The following BACH2 variants were observed in gnomAD, a reference collection of about 807,000 sequenced individuals.
BACH2 encodes BACH transcriptional regulator 2.
BACH2 carries 5 observed loss-of-function variants against 61.8 expected under a neutral mutation model. The observed-to-expected ratio is 0.08, with a 90% CI of 0.04 to 0.17. BACH2 has a LOEUF of 0.17. Among genes scored for constraint, BACH2 ranks in the 10% least tolerant of loss-of-function variants. BACH2 has a pLI of 1.00. For missense variants in BACH2, 824 were observed against 1,091.1 expected, an observed-to-expected ratio of 0.76 and a Z score of 3.45; for synonymous variants, 446 against 440.1, an observed-to-expected ratio of 1.01 and a Z score of -0.17.
At chr6:90,109,859 C>A (rs942999532) in intron 4 of BACH2, among the ~76,000 whole-genome samples, 23 of 152,068 alleles carry the variant, frequency 1.5e-4, no homozygotes, top group Admixed American at 9.2e-4. Flanking sequence ...TTAATAAAAT[C>A]TCCAAAGAGT....
At chr6:90,264,737 C>G (rs902748445) in intron 2 of BACH2, among the ~76,000 whole-genome samples, 4 of 152,174 alleles carry the variant, frequency 2.6e-5, no homozygotes, top group African/African-American at 9.7e-5. Context: ...CTCCAGAAAG[C>G]TGTCCCTTTG....
At chr6:89,981,123 T>C (rs1036843041) in intron 6 of BACH2, among the ~76,000 whole-genome samples, 3 of 150,698 alleles carry the variant, frequency 2.0e-5, no homozygotes, top group Non-Finnish European at 4.4e-5. Context: ...ATAGGGTTCA[T>C]CGTGATTCGC....
intron 4 of BACH2, among the ~76,000 whole-genome samples, chr6:90,129,077 G>T (rs1487018613): frequency 2.0e-5 from 3 of 152,028 alleles, no homozygotes; most frequent in Admixed American, 6.5e-5. Context: ...TGGGGATGGG[G>T]GAAGGGTGAA....
rs1783251512 is a variant in BACH2 at position 90,113,199 on chromosome 6, G to A, written c.-161-24090C>T. 1.3e-5 allele frequency among the ~76,000 whole-genome samples: 2 copies of A among 152,144 alleles called. 1 individual carries two copies. Among genetic ancestry groups the A allele is most frequent in the African/African-American group, 4.8e-5 (2 of 41,426 alleles). ...CTGACAGTATTAGACAGATCATTGA[G>A]GTGAAAAATTAACAAAGATATTCAG... On this transcript the variant is annotated intron_variant, in intron 4 of 8. Coordinates refer to ENST00000257749, the MANE Select transcript of BACH2 (RefSeq NM_021813.4).
At position 89,932,667 on chromosome 6, in the gene BACH2, G is replaced by T. The variant is rs761363627; in HGVS notation, c.2267C>A (p.Ala756Glu). The T allele has an allele frequency of 3.1e-6, 5 of 1,614,104 alleles. No homozygotes were observed. In the South Asian group the frequency reaches 4.4e-5, roughly 14 times the overall value. ...PAPLGAEQNI[A>E]ASQCAVGENV... ...TTCCCCCACTGCGCATTGGGAGGCC[G>T]CAATGTTCTGCTCAGCACCCAAGGG... is the stretch of plus-strand genomic sequence containing the variant. Residue 756 changes from alanine to glutamate, a missense_variant, in exon 9 of 9, where the codon GCG becomes GAG. Physicochemically the swap from Ala to Glu is moderately radical, Grantham distance 107. Coordinates refer to ENST00000257749, the MANE Select transcript of BACH2 (RefSeq NM_021813.4).
Position 89,927,566 on chromosome 6 carries a change from C to CA in BACH2, c.*4841dup, listed in dbSNP as rs1440052677. 2 of 152,802 alleles carry CA rather than the reference C, an allele frequency of 1.3e-5. No individual in the cohort carries two copies. Among genetic ancestry groups the CA allele is most frequent in the African/African-American group, 4.8e-5 (2 of 41,464 alleles). The allele number at this position is 152,802 out of a possible 1,614,324, so 9.5% of individuals were successfully genotyped here. ...AATAAACTGGAATGAGAATGAAAGT[C>CA]AGAGCTGTTTATCCATTGCTTGACA... On this transcript the variant is annotated 3_prime_UTR_variant, in exon 9 of 9. Transcript: ENST00000257749.
chr6:90,108,029 A>G (rs931926741), intron 4 of BACH2, among the ~76,000 whole-genome samples: 3 of 152,240 alleles, frequency 2.0e-5, no homozygotes, highest in African/African-American at 4.8e-5. Context: ...TGAGAACTAT[A>G]TAAGACAAGA....
intron 4 of BACH2, among the ~76,000 whole-genome samples, chr6:90,143,828 C>T (rs1018878102): frequency 6.6e-6 from 1 of 152,176 alleles, no homozygotes; most frequent in Non-Finnish European, 1.5e-5. Flanking sequence ...GTCTCAGGCA[C>T]TTTAAATACA....
chr6:90,154,351 C>CGTGTAG lies in BACH2; in HGVS notation c.-162+52217_-162+52218insCTACAC, dbSNP rs556112675. ...AAGAGCCCAATCACGTCAAAAAGAT[C>CGTGTAG]AATTTTTAGGAGAAGTGTAGTCAAT... On this transcript the variant is annotated intron_variant, in intron 4 of 8. Coordinates refer to ENST00000257749, the MANE Select transcript of BACH2 (RefSeq NM_021813.4). 4.5e-3 allele frequency among the ~76,000 whole-genome samples: 681 copies of CGTGTAG among 152,168 alleles called. 3 individuals carry two copies. Among genetic ancestry groups the CGTGTAG allele is most frequent in the Non-Finnish European group, 7.6e-3 (518 of 68,004 alleles).
intron 3 of BACH2, among the ~76,000 whole-genome samples, chr6:90,248,623 A>G (rs971108683): frequency 6.6e-6 from 1 of 152,202 alleles, no homozygotes; most frequent in African/African-American, 2.4e-5. Context: ...AGAAAAATGA[A>G]AAGTGGGAGG....
chr6:90,128,287 G>A (rs923699404), intron 4 of BACH2, among the ~76,000 whole-genome samples: 1 of 151,936 alleles, frequency 6.6e-6, no homozygotes, highest in African/African-American at 2.4e-5. Flanking sequence ...TTTGTTTGGT[G>A]GTAAGAGTCT....
chr6:90,150,982 T>G lies in BACH2; in HGVS notation c.-162+55587A>C, dbSNP rs984645982. On this transcript the variant is annotated intron_variant, in intron 4 of 8. Coordinates refer to ENST00000257749, the MANE Select transcript of BACH2 (RefSeq NM_021813.4). Reference sequence around the variant, plus strand: ...CATTAAACTGGGACACTTTTAAGAGTAGAAGAGGGACCTATCAATAATTAC... The same window carrying G: ...CATTAAACTGGGACACTTTTAAGAGGAGAAGAGGGACCTATCAATAATTAC... 4.6e-5 allele frequency among the ~76,000 whole-genome samples: 7 copies of G among 151,926 alleles called. No individual in the cohort carries two copies. In the East Asian group the frequency reaches 1.4e-3, roughly 29 times the overall value.
chr6:90,013,717 C>A (rs1333563451), intron 5 of BACH2, among the ~76,000 whole-genome samples: 1 of 152,042 alleles, frequency 6.6e-6, no homozygotes, highest in East Asian at 1.9e-4. Context: ...ACCATGTTAG[C>A]CAGGATGGTC....
Position 89,950,011 on chromosome 6 carries a change from A to G in BACH2, c.1836+259T>C, listed in dbSNP as rs1773980424. The G allele has an allele frequency of 1.9e-6, 1 of 520,120 alleles. No homozygotes were observed. Among genetic ancestry groups the G allele is most frequent in the Non-Finnish European group, 3.5e-6 (1 of 286,366 alleles). The allele number at this position is 520,120 out of a possible 1,614,324, so 32.2% of individuals were successfully genotyped here. Reference sequence around the variant, plus strand: ...TGTACTTCATGCATTAGACTTCAGTATATTTTTACTCAGCAGCTTGCCTCT... The same window carrying G: ...TGTACTTCATGCATTAGACTTCAGTGTATTTTTACTCAGCAGCTTGCCTCT... On this transcript the variant is annotated intron_variant, in intron 7 of 8. Transcript: ENST00000257749. The surrounding 1 kb of genome is among the most constrained non-coding windows in gnomAD (Gnocchi z 5.3).
chr6:90,063,613 C>T (rs2127799405), intron 5 of BACH2, among the ~76,000 whole-genome samples: 1 of 152,288 alleles, frequency 6.6e-6, no homozygotes, highest in African/African-American at 2.4e-5. Flanking sequence ...AAGATTAATG[C>T]CATAAGCTTT....
At chr6:90,244,636 A>ACACG (rs939205819) in intron 3 of BACH2, among the ~76,000 whole-genome samples, 1 of 152,158 alleles carries the variant, frequency 6.6e-6, no homozygotes, top group African/African-American at 2.4e-5. Flanking sequence ...ACACACGCAC[A>ACACG]CAAATACTCG....
intron 6 of BACH2, among the ~76,000 whole-genome samples, chr6:89,970,611 C>T (rs1775303435): frequency 6.6e-6 from 1 of 152,102 alleles, no homozygotes; most frequent in Non-Finnish European, 1.5e-5. Context: ...AGAAAGGATA[C>T]CAGGCATGTT....
intron 5 of BACH2, among the ~76,000 whole-genome samples, chr6:90,018,847 C>A (rs1313704888): frequency 6.6e-6 from 1 of 152,074 alleles, no homozygotes; most frequent in African/African-American, 2.4e-5. Flanking sequence ...TATAATGACC[C>A]TAAGCCACGG....
chr6:90,043,959 GA>G (rs1031669559), intron 5 of BACH2, among the ~76,000 whole-genome samples: 4 of 152,152 alleles, frequency 2.6e-5, no homozygotes, highest in Non-Finnish European at 4.4e-5. Flanking sequence ...CACAATGCCT[GA>G]AACAAAGATG....
Sources: allele counts gnomAD v4.1 joint callset (sites outside exome capture counted in the v4.1 genomes callset), GRCh38; gene constraint gnomAD v4.1.1; non-coding constraint Gnocchi (gnomAD v3.1); transcripts MANE v1.5; gene names NCBI Gene and HGNC (gene_info 2026-07-23, HGNC 2026-07-21).